DIP2A: variants seen among roughly 807,000 people sequenced by gnomAD.
DIP2A encodes DIP2 acetate--CoA ligase A, also known as disco-interacting protein 2 homolog A.
In DIP2A, 85 loss-of-function variants were observed where a neutral mutation model predicts 177.4. The ratio of observed to expected loss-of-function variants is 0.48; its 90% CI spans 0.40 to 0.57. DIP2A has a LOEUF of 0.57. Ranked by LOEUF, DIP2A falls within the 20% of genes least tolerant of loss-of-function variation. DIP2A has a pLI of 0.00. For synonymous variants in DIP2A, 886 were observed against 881.8 expected (o/e 1.00, Z -0.08); for missense variants, 1,791 against 2,100.2 (o/e 0.85, Z 2.88).
chr21:46,464,817 C>CTTTTTTTTTTTTTTTTTTT lies in DIP2A; in HGVS notation c.91+5604_91+5622dup, dbSNP rs1168153777. 3.9e-3 allele frequency among the ~76,000 whole-genome samples: 288 copies of CTTTTTTTTTTTTTTTTTTT among 73,418 alleles called. 44 individuals are homozygous for CTTTTTTTTTTTTTTTTTTT. The highest frequency in any genetic ancestry group is 6.1e-3 in the Non-Finnish European group (247 of 40,358). 48.2% of individuals were successfully genotyped at this position (73,418 alleles called of 152,430 possible). ...TCTTCCTTTTTCTTAATATTCATGTCTTTTTTTTTTTTTTTTTTTTTTTTT... is the reference window on the plus strand; with the variant it reads ...TCTTCCTTTTTCTTAATATTCATGTCTTTTTTTTTTTTTTTTTTTTTTTTTTTTTTTTTTTTTTTTTTTT... On this transcript the variant is annotated intron_variant, in intron 1 of 37. Transcript: ENST00000417564.
At chr21:46,514,662 G>T (rs2148652157) in intron 8 of DIP2A, among the ~76,000 whole-genome samples, 1 of 97,528 alleles carries the variant, frequency 1.0e-5, no homozygotes. Context: ...TTTTGCACAA[G>T]CTAGAACCTC....
chr21:46,539,497 C>T (rs780922383), intron 16 of DIP2A: 6 of 328,486 alleles, frequency 1.8e-5, no homozygotes, highest in South Asian at 2.5e-5. Flanking sequence ...ACCGCCACTC[C>T]GTGGTCCCCA....
chr21:46,540,754 C>T (rs577651825), intron 17 of DIP2A, among the ~76,000 whole-genome samples: 3 of 152,282 alleles, frequency 2.0e-5, no homozygotes, highest in African/African-American at 7.2e-5. Flanking sequence ...TGGCTCATGC[C>T]TGTAATCCCA....
At chr21:46,500,658 C>T (rs567833078) in intron 5 of DIP2A, among the ~76,000 whole-genome samples, 4 of 152,248 alleles carry the variant, frequency 2.6e-5, no homozygotes, top group East Asian at 1.9e-4. Context: ...ACACTGTTTC[C>T]GGGTGGGTTA....
At chr21:46,540,206 G>A (rs755159683) in intron 17 of DIP2A, among the ~76,000 whole-genome samples, 2 of 152,126 alleles carry the variant, frequency 1.3e-5, no homozygotes, top group African/African-American at 4.8e-5. Flanking sequence ...GCAGAATGCC[G>A]GCTTGCGATT....
intron 15 of DIP2A, among the ~76,000 whole-genome samples, chr21:46,538,084 G>T (rs944260643): frequency 1.3e-5 from 2 of 152,174 alleles, no homozygotes; most frequent in African/African-American, 4.8e-5. Context: ...ATGCTAGCCA[G>T]TGCAGGGGCC....
At chr21:46,581,446 G>A in the DIP2A span, among the ~76,000 whole-genome samples, 1 of 152,168 alleles carries the variant, frequency 6.6e-6, no homozygotes, top group Non-Finnish European at 1.5e-5. Flanking sequence ...GCCTACTTCT[G>A]TCAGTTCATC....
At chr21:46,529,655 TGTAGA>T (rs1346283100) in intron 9 of DIP2A, among the ~76,000 whole-genome samples, 2 of 152,074 alleles carry the variant, frequency 1.3e-5, no homozygotes, top group African/African-American at 2.4e-5. Context: ...AAGTTTGTGA[TGTAGA>T]GTAAAGCAGC....
intron 22 of DIP2A, 27 bp from the exon 23 acceptor site, chr21:46,550,516 G>T: frequency 6.3e-7 from 1 of 1,599,764 alleles, no homozygotes; most frequent in Non-Finnish European, 8.5e-7. Context: ...TTGGGGGCCT[G>T]TGCCAAACAG....
chr21:46,504,398 C>A lies in DIP2A; in HGVS notation c.693C>A (p.Leu231=), dbSNP rs755497417. 6.2e-7 allele frequency: 1 copy of A among 1,613,748 alleles called. No homozygotes were observed. The highest frequency in any genetic ancestry group is 1.3e-5 in the African/African-American group (1 of 74,930). ...HSAPPDVTTG[L]VEHSYFERPQ... is the part of the protein sequence containing the mutation. The stretch of plus-strand genomic sequence containing the variant: ...CCCCTCCTGATGTCACCACGGGCCT[C>A]GTGGAGCATTCGTACTTTGAGCGTC... Residue 231 remains leucine (L), a synonymous_variant, in exon 6 of 38, where the codon CTC becomes CTA. Coordinates refer to ENST00000417564, the MANE Select transcript of DIP2A (RefSeq NM_015151.4).
At chr21:46,506,221 G>A (rs1008272814) in intron 6 of DIP2A, among the ~76,000 whole-genome samples, 1 of 152,002 alleles carries the variant, frequency 6.6e-6, no homozygotes, top group African/African-American at 2.4e-5. Flanking sequence ...GGGTTCAAGC[G>A]ATTCTCCTGC....
At chr21:46,493,115 G>C (rs1035508589) in intron 3 of DIP2A, among the ~76,000 whole-genome samples, 5 of 152,104 alleles carry the variant, frequency 3.3e-5, no homozygotes, top group African/African-American at 1.2e-4. Context: ...AAAAATTTGT[G>C]TTGTTTAAGC....
intron 25 of DIP2A, 194 bp from the exon 26 acceptor site, chr21:46,553,975 C>A: frequency 1.7e-6 from 1 of 601,644 alleles, no homozygotes; most frequent in Non-Finnish European, 2.6e-6. Context: ...ACCAGCCTGG[C>A]CAACATGGTG....
the DIP2A span, among the ~76,000 whole-genome samples, chr21:46,576,269 C>G: frequency 2.6e-5 from 4 of 152,146 alleles, no homozygotes; most frequent in African/African-American, 9.7e-5. Context: ...CTGATGCTCT[C>G]CCTCCCCCAG....
chr21:46,526,201 G>A (rs966559082), intron 8 of DIP2A, among the ~76,000 whole-genome samples: 5 of 151,708 alleles, frequency 3.3e-5, no homozygotes, highest in Non-Finnish European at 7.4e-5. Flanking sequence ...TGAGCCACCC[G>A]CACCTGGCCA....
intron 5 of DIP2A, among the ~76,000 whole-genome samples, chr21:46,500,801 G>A (rs1022107272): frequency 6.6e-6 from 1 of 152,148 alleles, no homozygotes; most frequent in Non-Finnish European, 1.5e-5. Flanking sequence ...TGAATTAGAT[G>A]TTTTCATTCT....
Position 46,558,390 on chromosome 21 carries a change from C to A in DIP2A, c.3966C>A (p.Leu1322=). 2 of 1,521,916 alleles carry A rather than the reference C, an allele frequency of 1.3e-6. No individual in the cohort carries two copies. Among genetic ancestry groups the A allele is most frequent in the African/African-American group, 1.9e-5 (1 of 53,608 alleles). The allele number at this position is 1,521,916 out of a possible 1,614,324, so 94.3% of individuals were successfully genotyped here. A position where few individuals can be genotyped will look rare whatever the true frequency, so the allele number is the denominator to read the frequency against. The change falls in exon 32 of 38, where the codon CTC becomes CTA. Residue 1322 remains leucine, a synonymous_variant. Coordinates refer to ENST00000417564, the MANE Select transcript of DIP2A (RefSeq NM_015151.4). The stretch of plus-strand genomic sequence containing the variant: ...GCAGGGTCAACGTGGCCATCTGCCT[C>A]CAGGTGAGGTGCCTGGGGCTGCGGT... The part of the protein sequence containing the change: ...FGCRVNVAIC[L]QGTAGPDPTT...
chr21:46,577,956 G>T, the DIP2A span, among the ~76,000 whole-genome samples: 1 of 152,208 alleles, frequency 6.6e-6, no homozygotes, highest in African/African-American at 2.4e-5. Context: ...GTATAGAAAT[G>T]CTTGTCACTT....
intron 16 of DIP2A, chr21:46,538,805 A>C: frequency 1.4e-6 from 1 of 696,434 alleles, no homozygotes; most frequent in Non-Finnish European, 2.3e-6. Context: ...CTAAATTTAA[A>C]AGCAATTTTA....
Sources: gnomAD v4.1 joint callset for allele counts (sites outside exome capture counted in the v4.1 genomes callset) on GRCh38, gnomAD v4.1.1 for gene constraint, MANE v1.5 for transcripts, NCBI Gene and HGNC (gene_info 2026-07-23, HGNC 2026-07-21) for gene names.